STXBP4: variants seen among roughly 807,000 people sequenced by gnomAD.
STXBP4 encodes syntaxin binding protein 4.
A neutral mutation model predicts 76.1 loss-of-function variants in STXBP4; 55 were observed. The ratio of observed to expected loss-of-function variants is 0.72; its 90% confidence interval spans 0.58 to 0.91. The LOEUF is 0.91. Ranked by LOEUF, STXBP4 falls within the 40% of genes least tolerant of loss-of-function variation. STXBP4 has a pLI of 0.00. For synonymous variants in STXBP4, 201 were observed against 220.2 expected (o/e 0.91, Z 0.77); for missense variants, 618 against 636.9 (o/e 0.97, Z 0.32).
chr17:54,984,475 T>C (rs573054619), intron 1 of STXBP4, among the ~76,000 whole-genome samples: 1 of 151,756 alleles, frequency 6.6e-6, no homozygotes, highest in African/African-American at 2.4e-5. Flanking sequence ...CCCGAGTAGC[T>C]GGGACTACAG....
At chr17:55,017,691 G>A (rs530901290) in intron 8 of STXBP4, among the ~76,000 whole-genome samples, 13 of 152,228 alleles carry the variant, frequency 8.5e-5, no homozygotes, top group Admixed American at 2.0e-4. Flanking sequence ...GGCTAAAGCC[G>A]GGAGTTCGGG....
At chr17:55,062,443 G>A (rs2079005639) in intron 12 of STXBP4, among the ~76,000 whole-genome samples, 1 of 152,124 alleles carries the variant, frequency 6.6e-6, no homozygotes, top group Non-Finnish European at 1.5e-5. Context: ...TGGCTGCATA[G>A]TATTACCTGG....
the STXBP4 span, among the ~76,000 whole-genome samples, chr17:55,185,607 A>G: frequency 4.6e-5 from 7 of 152,296 alleles, no homozygotes; most frequent in South Asian, 1.0e-3. Context: ...GCAACTTCCA[A>G]TGGTATTAAA....
At chr17:55,096,443 A>C (rs554420907) in intron 16 of STXBP4, among the ~76,000 whole-genome samples, 1 of 152,142 alleles carries the variant, frequency 6.6e-6, no homozygotes, top group African/African-American at 2.4e-5. Context: ...CATCTTACCT[A>C]ATTTTCATGA....
intron 11 of STXBP4, among the ~76,000 whole-genome samples, chr17:55,046,086 G>C (rs866618519): frequency 3.9e-5 from 6 of 151,954 alleles, no homozygotes; most frequent in Middle Eastern, 3.2e-3. Flanking sequence ...AGTGCTGTGG[G>C]CTTTATTTAA....
chr17:55,114,323 G>T (rs1417695777), intron 16 of STXBP4, among the ~76,000 whole-genome samples: 3 of 152,048 alleles, frequency 2.0e-5, no homozygotes, highest in African/African-American at 7.2e-5. Context: ...CCTTAAAGTT[G>T]CATTGCAGTA....
intron 3 of STXBP4, among the ~76,000 whole-genome samples, 177 bp from the exon 4 acceptor site, chr17:54,990,648 C>T (rs758281214): frequency 1.6e-4 from 25 of 152,144 alleles, no homozygotes; most frequent in African/African-American, 2.4e-4. Context: ...CTCTGCAACC[C>T]CATTCCCTCT....
the STXBP4 span, among the ~76,000 whole-genome samples, chr17:55,195,473 G>A: frequency 2.0e-5 from 3 of 151,958 alleles, no homozygotes; most frequent in Non-Finnish European, 4.4e-5. Context: ...TTTGAGACAG[G>A]TCTCACTCTG....
chr17:55,034,531 TAGAC>T (rs948068237), intron 10 of STXBP4, among the ~76,000 whole-genome samples: 12 of 152,276 alleles, frequency 7.9e-5, no homozygotes, highest in South Asian at 6.2e-4. Flanking sequence ...ACTAGCTAGC[TAGAC>T]AAACTGACAG....
chr17:55,002,497 A>G (rs190818857), intron 7 of STXBP4, among the ~76,000 whole-genome samples: 4 of 152,264 alleles, frequency 2.6e-5, no homozygotes, highest in African/African-American at 9.6e-5. Context: ...TTGTTTATAG[A>G]TGTGTGTGTA....
At chr17:55,210,760 A>G in the STXBP4 span, among the ~76,000 whole-genome samples, 1 of 152,224 alleles carries the variant, frequency 6.6e-6, no homozygotes, top group African/African-American at 2.4e-5. Context: ...TAAAACTGGT[A>G]TCTTGCCTTA....
intron 16 of STXBP4, among the ~76,000 whole-genome samples, chr17:55,123,486 C>T (rs1810144851): frequency 1.3e-5 from 2 of 151,964 alleles, no homozygotes; most frequent in Non-Finnish European, 2.9e-5. Flanking sequence ...TAAGTGCTGC[C>T]AGACGAAGAG....
chr17:55,014,051 G>A (rs780808947), intron 8 of STXBP4, among the ~76,000 whole-genome samples: 1 of 152,152 alleles, frequency 6.6e-6, no homozygotes, highest in Non-Finnish European at 1.5e-5. Flanking sequence ...ACTGTCCACT[G>A]GGTTTCTGTG....
At chr17:55,060,431 G>A in intron 12 of STXBP4, among the ~76,000 whole-genome samples, 1 of 151,942 alleles carries the variant, frequency 6.6e-6, no homozygotes, top group South Asian at 2.1e-4. Context: ...AATTTAAATG[G>A]TGTGAAATTT....
intron 12 of STXBP4, among the ~76,000 whole-genome samples, chr17:55,068,068 T>G (rs2079075005): frequency 6.6e-6 from 1 of 152,146 alleles, no homozygotes. Context: ...GAAAGGTATA[T>G]TATATATATT....
chr17:55,056,069 G>A (rs1251912941), intron 12 of STXBP4, among the ~76,000 whole-genome samples: 1 of 152,102 alleles, frequency 6.6e-6, no homozygotes, highest in South Asian at 2.1e-4. Flanking sequence ...CAGATAAAAG[G>A]CTGTTGTAAT....
chr17:55,166,914 A>T lies in STXBP4; in HGVS notation c.*7003A>T, dbSNP rs1319017608. ...AAAACCGGAACTCTGGTTAAAGCTA[A>T]GTGGTCTCTCTCACTGTGGCTGTTC... On this transcript the variant is annotated 3_prime_UTR_variant, in exon 18 of 18. Coordinates refer to ENST00000376352, the MANE Select transcript of STXBP4 (RefSeq NM_178509.6). 1.3e-5 allele frequency: 2 copies of T among 152,238 alleles called. No individual in the cohort carries two copies. Among genetic ancestry groups the T allele is most frequent in the African/African-American group, 4.8e-5 (2 of 41,436 alleles). The allele number at this position is 152,238 out of a possible 1,614,324, so 9.4% of individuals were successfully genotyped here.
At chr17:55,030,997 C>G in intron 8 of STXBP4, 171 bp from the exon 9 acceptor site, 1 of 497,930 alleles carries the variant, frequency 2.0e-6, no homozygotes. Flanking sequence ...AATCAGGAAG[C>G]TAATCTTCAA....
Position 54,968,827 on chromosome 17 carries a change from T to A in STXBP4, c.-157+12T>A. The A allele has an allele frequency of 3.2e-6, 2 of 632,718 alleles. No homozygotes were observed. The highest frequency in any genetic ancestry group is 5.5e-6 in the Non-Finnish European group (2 of 365,888). The allele number at this position is 632,718 out of a possible 1,614,324, so 39.2% of individuals were successfully genotyped here. A position where few individuals can be genotyped will look rare whatever the true frequency, so the allele number is the denominator to read the frequency against. On this transcript the variant is annotated intron_variant, in intron 1 of 17. Coordinates refer to ENST00000376352, the MANE Select transcript of STXBP4 (RefSeq NM_178509.6). ...TTGCCAGATTACGGGTAAGTTTGCG[T>A]TTTGCTTTGTGACTGTTACTCCCAC...
Sources: allele counts gnomAD v4.1 joint callset (sites outside exome capture counted in the v4.1 genomes callset), GRCh38; gene constraint gnomAD v4.1.1; transcripts MANE v1.5; gene names NCBI Gene and HGNC (gene_info 2026-07-23, HGNC 2026-07-21).